ZNF609: variants seen among roughly 807,000 people sequenced by gnomAD.
ZNF609 encodes the protein zinc finger protein 609.
In ZNF609, 11 loss-of-function variants were observed where a neutral mutation model predicts 109.5. The ratio of observed to expected loss-of-function variants is 0.10; its 90% CI spans 0.06 to 0.17. The LOEUF is 0.17. ZNF609 is among the 10% of genes least tolerant of loss of function. ZNF609 has a pLI of 1.00. For missense variants in ZNF609, 1,559 were observed against 1,772.4 expected, an observed-to-expected ratio of 0.88 and a Z score of 2.16; for synonymous variants, 646 against 662.0, an observed-to-expected ratio of 0.98 and a Z score of 0.37.
At chr15:64,511,957 A>C (rs1298495005) in intron 2 of ZNF609, among the ~76,000 whole-genome samples, 1 of 151,030 alleles carries the variant, frequency 6.6e-6, no homozygotes, top group Non-Finnish European at 1.5e-5. Flanking sequence ...TCGTGATCCA[A>C]CCACCTCAGC....
At chr15:64,551,795 G>A (rs376807592) in intron 2 of ZNF609, among the ~76,000 whole-genome samples, 14 of 149,554 alleles carry the variant, frequency 9.4e-5, no homozygotes, top group East Asian at 7.7e-4. Context: ...TATATCGCAC[G>A]TTTTGTGGCA....
chr15:64,588,442 A>AAAAAAAAAAAAAAAAAAAGAAGAAG (rs71133451), intron 2 of ZNF609, among the ~76,000 whole-genome samples: 1 of 75,272 alleles, frequency 1.3e-5, no homozygotes, highest in African/African-American at 5.1e-5. Context: ...AAAAAAAAAA[A>AAAAAAAAAAAAAAAAAAAGAAGAAG]AAGAAGAGGA....
Position 64,531,691 on chromosome 15 carries a change from C to T in ZNF609, c.747+31525C>T, listed in dbSNP as rs183830676. 3.6e-3 allele frequency among the ~76,000 whole-genome samples: 542 copies of T among 152,164 alleles called. 2 individuals carry two copies. Among genetic ancestry groups the T allele is most frequent in the African/African-American group, 0.011 (467 of 41,498 alleles). On this transcript the variant is annotated intron_variant, in intron 2 of 9. Transcript: ENST00000326648. ...GGATTAGAAATTTGAGCCATTGTGC[C>T]CAGCCTTATTTCAGACTTTAACACA...
intron 2 of ZNF609, among the ~76,000 whole-genome samples, chr15:64,526,570 T>A (rs769990224): frequency 3.3e-5 from 5 of 152,214 alleles, no homozygotes; most frequent in Non-Finnish European, 5.9e-5. Flanking sequence ...AAATATGATG[T>A]TAATTAACTG....
At chr15:64,546,005 C>A (rs183253350) in intron 2 of ZNF609, among the ~76,000 whole-genome samples, 1 of 152,098 alleles carries the variant, frequency 6.6e-6, no homozygotes, top group East Asian at 1.9e-4. Context: ...TTTTATTTTT[C>A]TTAGATAAAT....
rs535276113 is a variant in ZNF609 at position 64,490,704 on chromosome 15, A to G, written c.-127-8589A>G. 3.9e-5 allele frequency among the ~76,000 whole-genome samples: 6 copies of G among 152,352 alleles called. No individual in the cohort carries two copies. In the South Asian group the frequency reaches 1.2e-3, roughly 32 times the overall value. ...TCACCAAATGAATCTCTAAAGGGTCAGGACTGAATTATTTACATATTCAGG... is the reference window on the plus strand; with the variant it reads ...TCACCAAATGAATCTCTAAAGGGTCGGGACTGAATTATTTACATATTCAGG... On this transcript the variant is annotated intron_variant, in intron 1 of 9. Transcript: ENST00000326648.
At chr15:64,680,585 GT>G in intron 7 of ZNF609, 60 bp from the exon 8 acceptor site, 1 of 1,380,522 alleles carries the variant, frequency 7.2e-7, no homozygotes, top group Non-Finnish European at 1.0e-6. Flanking sequence ...GTGTGTGTGT[GT>G]GTGGTTGTAT....
chr15:64,598,025 C>T (rs1401868241), intron 2 of ZNF609, among the ~76,000 whole-genome samples: 1 of 151,950 alleles, frequency 6.6e-6, no homozygotes, highest in African/African-American at 2.4e-5. Flanking sequence ...AAATTAAATG[C>T]CAAAAAACAT....
chr15:64,509,130 G>A (rs1233483773), intron 2 of ZNF609, among the ~76,000 whole-genome samples: 3 of 152,104 alleles, frequency 2.0e-5, no homozygotes, highest in East Asian at 3.8e-4. Flanking sequence ...AAAATGTAAC[G>A]CTGGGCAGTA....
At position 64,674,762 on chromosome 15, in the gene ZNF609, A is replaced by G. The variant is rs1239490527; in HGVS notation, c.1908A>G (p.Lys636=). 1.2e-6 allele frequency: 2 copies of G among 1,613,906 alleles called. No homozygotes were observed. Among genetic ancestry groups the G allele is most frequent in the Non-Finnish European group, 1.7e-6 (2 of 1,180,024 alleles). The change falls in exon 5 of 10, where the codon AAA becomes AAG. Residue 636 remains lysine, a synonymous_variant. Transcript: ENST00000326648. The part of the protein sequence containing the change: ...SLERKCMEKE[K]CKKPSSLKPE... ...AAAGGAAGTGTATGGAAAAAGAAAA[A>G]TGTAAAAAACCCTCTAGTTTAAAAC... is the stretch of plus-strand genomic sequence containing the variant.
chr15:64,600,328 T>C (rs979515325), intron 2 of ZNF609, among the ~76,000 whole-genome samples: 3 of 151,436 alleles, frequency 2.0e-5, no homozygotes, highest in African/African-American at 7.3e-5. Context: ...CGGGCACCTG[T>C]AGTCCCAGCT....
intron 3 of ZNF609, among the ~76,000 whole-genome samples, chr15:64,629,352 A>T (rs1896026732): frequency 6.6e-6 from 1 of 152,198 alleles, no homozygotes; most frequent in South Asian, 2.1e-4. Flanking sequence ...ACATTGAGTT[A>T]GGAATGGCAT....
chr15:64,593,124 C>T, intron 2 of ZNF609: 2 of 1,590,456 alleles, frequency 1.3e-6, no homozygotes, highest in South Asian at 1.1e-5. Context: ...GAGTCCGCAG[C>T]AGTCAGGGAC....
At position 64,500,058 on chromosome 15, in the gene ZNF609, G is replaced by C; in HGVS notation, c.639G>C (p.Gly213=). Residue 213 remains glycine (G), a synonymous_variant, in exon 2 of 10, where the codon GGG becomes GGC. Transcript: ENST00000326648. ...ATACAGGAGCTGTGGAGCCACTTGG[G>C]AGTATAGCTATTGAGCCTGGGGCAG... The part of the protein sequence containing the change: ...GVDTGAVEPL[G]SIAIEPGAAL... The C allele has an allele frequency of 1.2e-6, 2 of 1,614,144 alleles. No individual in the cohort carries two copies. Among genetic ancestry groups the C allele is most frequent in the Non-Finnish European group, 1.7e-6 (2 of 1,180,016 alleles).
At chr15:64,529,097 C>A in intron 2 of ZNF609, 1 of 884,732 alleles carries the variant, frequency 1.1e-6, no homozygotes, top group South Asian at 1.4e-5. Flanking sequence ...GACAGTTTCC[C>A]GGAGGGGCCA....
At chr15:64,606,570 A>C (rs913049205) in intron 2 of ZNF609, among the ~76,000 whole-genome samples, 5 of 151,604 alleles carry the variant, frequency 3.3e-5, no homozygotes, top group African/African-American at 4.8e-5. Flanking sequence ...AAAAAAAAAA[A>C]AAAAAAACAG....
In ZNF609 at chr15:64,678,134, T is replaced by C; in HGVS notation, c.3421T>C (p.Trp1141Arg). The change falls in exon 6 of 10, where the codon TGG becomes CGG. Residue 1141 changes from tryptophan (W) to arginine (R), a missense_variant. Trp to Arg is a moderately radical substitution (Grantham distance 101). This residue lies in a region of ZNF609 where 1,204 missense variants were observed against 1,314.1 expected (regional missense o/e 0.92). Transcript: ENST00000326648. The part of the protein sequence containing the change: ...WYRQEAEPRM[W>R]TYVYPAKYSD... ...GTTGTAGGAGGCAGAGCCCCGGATGTGGACATATGTTTATCCTGCCAAGTA... is the reference window on the plus strand; with the variant it reads ...GTTGTAGGAGGCAGAGCCCCGGATGCGGACATATGTTTATCCTGCCAAGTA... 2 of 1,613,790 alleles carry C rather than the reference T, an allele frequency of 1.2e-6. No homozygotes were observed. The highest frequency in any genetic ancestry group is 1.7e-6 in the Non-Finnish European group (2 of 1,179,862).
chr15:64,665,841 G>T (rs1178850933), intron 3 of ZNF609, among the ~76,000 whole-genome samples: 1 of 151,838 alleles, frequency 6.6e-6, no homozygotes, highest in Non-Finnish European at 1.5e-5. Flanking sequence ...GGGAGGCGGA[G>T]GTTGCGATGA....
At chr15:64,575,227 C>G (rs1434391036) in intron 2 of ZNF609, among the ~76,000 whole-genome samples, 1 of 152,012 alleles carries the variant, frequency 6.6e-6, no homozygotes, top group African/African-American at 2.4e-5. Context: ...GAGTTCAAGA[C>G]CAGCCTAACC....
Sources: allele counts gnomAD v4.1 joint callset (sites outside exome capture counted in the v4.1 genomes callset), GRCh38; gene constraint gnomAD v4.1.1; regional missense constraint gnomAD v4.1.1; transcripts MANE v1.5; gene names NCBI Gene and HGNC (gene_info 2026-07-23, HGNC 2026-07-21).